The following EPS8 variants were observed in gnomAD, a reference collection of about 807,000 sequenced individuals.
The protein encoded by EPS8 is EGFR pathway substrate 8, signaling adaptor.
EPS8 carries 42 observed loss-of-function variants against 103.8 expected under a neutral mutation model. The ratio of observed to expected loss-of-function variants is 0.40; its 90% confidence interval spans 0.32 to 0.52. EPS8 has a LOEUF of 0.52. Ranked by LOEUF, EPS8 falls within the 20% of genes least tolerant of loss-of-function variation. The probability of loss-of-function intolerance (pLI) is 0.40; values close to 1 mark genes in which losing one functional copy is unlikely to be tolerated. For missense variants in EPS8, 969 were observed against 1,005.1 expected (o/e 0.96, Z 0.49); for synonymous variants, 344 against 344.6 (o/e 1.00, Z 0.02).
rs375434584 is a variant in EPS8 at position 15,669,479 on chromosome 12, A to G, written c.424T>C (p.Ser142Pro). Residue 142 changes from serine to proline, a missense_variant, in exon 6 of 21, where the codon TCA becomes CCA. By Grantham distance (74) the Ser-to-Pro change is moderately conservative. Coordinates refer to ENST00000281172, the MANE Select transcript of EPS8 (RefSeq NM_004447.6). ...GCAAGAACTGAATCATAGCTGCATGAATGCATCACAGCTTGGCAGTGCTGG... is the reference window on the plus strand; with the variant it reads ...GCAAGAACTGAATCATAGCTGCATGGATGCATCACAGCTTGGCAGTGCTGG... ...TIQHCQAVMH[S>P]CSYDSVLALV... 8 of 1,613,854 alleles carry G rather than the reference A, an allele frequency of 5.0e-6. No homozygotes were observed. The African/African-American group carries it at 9.3e-5, about 19-fold the overall frequency.
intron 1 of EPS8, chr12:15,712,841 A>C (rs1414265906): frequency 2.0e-6 from 2 of 984,494 alleles, no homozygotes; most frequent in Admixed American, 6.2e-5. Flanking sequence ...TAACAAATTC[A>C]AACTTACCTA....
intron 17 of EPS8, among the ~76,000 whole-genome samples, chr12:15,635,174 G>T (rs1402682412): frequency 9.2e-5 from 14 of 152,122 alleles, no homozygotes; most frequent in Admixed American, 7.2e-4. Flanking sequence ...TGATTGTAAT[G>T]AGCTTTAGTT....
chr12:15,622,345 T>C (rs1318624078), intron 20 of EPS8, among the ~76,000 whole-genome samples: 4 of 152,184 alleles, frequency 2.6e-5, no homozygotes, highest in African/African-American at 9.6e-5. Flanking sequence ...ATATGGTTTC[T>C]CTTGATTCAG....
intron 4 of EPS8, 23 bp downstream of exon 4, chr12:15,670,833 T>C (rs764062903): frequency 1.3e-5 from 20 of 1,559,220 alleles, no homozygotes; most frequent in Non-Finnish European, 1.4e-5. Flanking sequence ...CTCTAAATAC[T>C]AGCAAACACC....
Position 15,650,033 on chromosome 12 carries a change from T to C in EPS8, c.1434+790A>G, listed in dbSNP as rs181068787. ...TGGTCCAGCTTTAATCAATGTTCAA[T>C]GTTCTTTTCCAACAAACAAGAAGAG... On this transcript the variant is annotated intron_variant, in intron 14 of 20. Coordinates refer to ENST00000281172, the MANE Select transcript of EPS8 (RefSeq NM_004447.6). 2.2e-3 allele frequency among the ~76,000 whole-genome samples: 337 copies of C among 152,334 alleles called. 3 individuals are homozygous for C. The highest frequency in any genetic ancestry group is 5.8e-3 in the East Asian group (30 of 5,172).
chr12:15,777,181 A>AT lies in EPS8; in HGVS notation c.-22+11979dup, dbSNP rs566411221. Among the ~76,000 whole-genome samples the AT allele has an allele frequency of 9.3e-5, 14 of 150,410 alleles. No homozygotes were observed. Among genetic ancestry groups the AT allele is most frequent in the East Asian group, 7.8e-4 (4 of 5,138 alleles). ...CAATGCCATGGAGTAGCCTATATAA[A>AT]TTTTTTTTTTACATTATATAACTCA... On this transcript the variant is annotated intron_variant, in intron 1 of 20. Transcript: ENST00000281172. This position sits in a 1 kb window ranked among gnomAD's most constrained non-coding sequence, Gnocchi z 4.7.
chr12:15,657,962 C>T, intron 12 of EPS8, 117 bp downstream of exon 12: 1 of 662,298 alleles, frequency 1.5e-6, no homozygotes, highest in South Asian at 1.7e-5. Flanking sequence ...ACACAAATGG[C>T]AAAGAAATAG....
intron 17 of EPS8, among the ~76,000 whole-genome samples, chr12:15,632,555 T>C (rs1945065760): frequency 6.6e-6 from 1 of 152,196 alleles, no homozygotes. Context: ...TTATTTGTAA[T>C]TAAGGCAAAG....
chr12:15,666,384 A>G (rs1026366514), intron 7 of EPS8, 56 bp downstream of exon 7: 1 of 1,337,136 alleles, frequency 7.5e-7, no homozygotes. Context: ...CTCTTTGGGG[A>G]AAAAAGCCTT....
chr12:15,707,910 C>T (rs940713169), intron 1 of EPS8, among the ~76,000 whole-genome samples: 3 of 152,168 alleles, frequency 2.0e-5, no homozygotes, highest in African/African-American at 7.2e-5. Context: ...CTCCCTATCT[C>T]TAATTCTCTA....
In EPS8 at chr12:15,643,742, A is replaced by G. The variant is rs1023523157; in HGVS notation, c.1569-1912T>C. 7.2e-3 allele frequency among the ~76,000 whole-genome samples: 64 copies of G among 8,882 alleles called. 2 individuals are homozygous for G. Among genetic ancestry groups the G allele is most frequent in the Middle Eastern group, 0.25 (1 of 4 alleles). The allele number at this position is 8,882 out of a possible 152,430, so 5.8% of individuals were successfully genotyped here. On this transcript the variant is annotated intron_variant, in intron 15 of 20. Transcript: ENST00000281172. ...CGACAAGAGCAAAACTCTGTCTCGA[A>G]AAAAAAAAAAAAAAAAAAAAGAGGT...
chr12:15,766,916 T>C (rs185713543), intron 1 of EPS8, among the ~76,000 whole-genome samples: 2 of 152,302 alleles, frequency 1.3e-5, no homozygotes, highest in East Asian at 3.9e-4. Flanking sequence ...ATAACTACAT[T>C]TGCTCTATCT....
chr12:15,630,649 T>C (rs759159066), intron 18 of EPS8, among the ~76,000 whole-genome samples: 7 of 152,176 alleles, frequency 4.6e-5, no homozygotes, highest in Non-Finnish European at 8.8e-5. Context: ...GGTGATTATA[T>C]TAACATAGTG....
In EPS8 at chr12:15,779,875, A is replaced by C. The variant is rs1947242778; in HGVS notation, c.-22+9286T>G. 6.6e-6 allele frequency among the ~76,000 whole-genome samples: 1 copy of C among 152,204 alleles called. No homozygotes were observed. Among genetic ancestry groups the C allele is most frequent in the Admixed American group, 6.5e-5 (1 of 15,278 alleles). ...TAGTATGTTTCAGGTTCTGTTCAGAAACTATGGCTTAGAATTTTAGACAGG... is the reference window on the plus strand; with the variant it reads ...TAGTATGTTTCAGGTTCTGTTCAGACACTATGGCTTAGAATTTTAGACAGG... On this transcript the variant is annotated intron_variant, in intron 1 of 20. Transcript: ENST00000281172. The surrounding 1 kb of genome is among the most constrained non-coding windows in gnomAD (Gnocchi z 4.3).
intron 4 of EPS8, 106 bp downstream of exon 4, chr12:15,670,750 T>G (rs1945800529): frequency 1.3e-6 from 1 of 762,222 alleles, no homozygotes; most frequent in African/African-American, 1.8e-5. Context: ...CAATGCAACT[T>G]AAAATACATC....
At position 15,762,523 on chromosome 12, in the gene EPS8, T is replaced by C. The variant is rs1186037784; in HGVS notation, c.-22+26638A>G. Among the ~76,000 whole-genome samples the C allele has an allele frequency of 2.0e-5, 3 of 152,248 alleles. No homozygotes were observed. The highest frequency in any genetic ancestry group is 4.4e-5 in the Non-Finnish European group (3 of 68,042). ...AGCACTGTTTACAATCACCAAGATT[T>C]GGAAGCAACCTAAGTGTCCATCAAC... On this transcript the variant is annotated intron_variant, in intron 1 of 20. Coordinates refer to ENST00000281172, the MANE Select transcript of EPS8 (RefSeq NM_004447.6). The surrounding 1 kb of genome is among the most constrained non-coding windows in gnomAD (Gnocchi z 4.8).
intron 15 of EPS8, 73 bp from the exon 16 acceptor site, chr12:15,641,903 C>T (rs903680832): frequency 2.4e-5 from 16 of 664,900 alleles, no homozygotes; most frequent in Admixed American, 6.4e-5. Flanking sequence ...AACACTGAGA[C>T]AAGCCAAATC....
chr12:15,661,964 T>C (rs1263606249), intron 9 of EPS8, 62 bp downstream of exon 9: 14 of 1,195,594 alleles, frequency 1.2e-5, no homozygotes, highest in Non-Finnish European at 1.5e-5. Flanking sequence ...CATTTTCTTA[T>C]GAAGTTTTCT....
Position 15,658,061 on chromosome 12 carries a change from A to T in EPS8, c.1101+18T>A. ...AATATACTAAGAACGATTCTTTCTT[A>T]AACTAATAAAATCTCACCATATTTA... On this transcript the variant is annotated intron_variant, in intron 12 of 20. Transcript: ENST00000281172. The T allele has an allele frequency of 6.8e-7, 1 of 1,473,006 alleles. No homozygotes were observed. The highest frequency in any genetic ancestry group is 1.1e-5 in the South Asian group (1 of 87,948). 91.2% of individuals were successfully genotyped at this position (1,473,006 alleles called of 1,614,324 possible).
Sources: allele counts gnomAD v4.1 joint callset (sites outside exome capture counted in the v4.1 genomes callset), GRCh38; gene constraint gnomAD v4.1.1; non-coding constraint Gnocchi (gnomAD v3.1); transcripts MANE v1.5; gene names NCBI Gene and HGNC (gene_info 2026-07-23, HGNC 2026-07-21).